The following DOCK7 variants were observed in gnomAD, a reference collection of about 807,000 sequenced individuals.
DOCK7 encodes dedicator of cytokinesis protein 7.
Under a neutral mutation model 271.0 loss-of-function variants are expected in DOCK7, and 138 were observed. The observed-to-expected ratio is 0.51, with a 90% CI of 0.44 to 0.59. The LOEUF is 0.59. Ranked by LOEUF, DOCK7 falls within the 20% of genes least tolerant of loss-of-function variation. DOCK7 has a pLI of 0.00. For missense variants in DOCK7, 2,066 were observed against 2,592.4 expected (o/e 0.80, Z 4.41); for synonymous variants, 823 against 876.1 (o/e 0.94, Z 1.07).
intron 11 of DOCK7, among the ~76,000 whole-genome samples, chr1:62,625,805 T>C (rs1653878938): frequency 1.3e-5 from 2 of 152,158 alleles, no homozygotes; most frequent in South Asian, 2.1e-4. Context: ...TGCAAGATAA[T>C]CCTATTATTT....
chr1:62,602,525 C>T (rs776693891), intron 14 of DOCK7: 1 of 694,978 alleles, frequency 1.4e-6, no homozygotes, highest in Non-Finnish European at 2.6e-6. Flanking sequence ...AACAATTACA[C>T]ATTTGTTAGT....
intron 14 of DOCK7, among the ~76,000 whole-genome samples, chr1:62,615,301 G>A (rs918594034): frequency 6.6e-6 from 1 of 151,716 alleles, no homozygotes; most frequent in Non-Finnish European, 1.5e-5. Flanking sequence ...CTACTTCACT[G>A]AGGATACTCT....
At chr1:62,627,565 C>T (rs983468371) in intron 11 of DOCK7, 8 of 151,894 alleles carry the variant, frequency 5.3e-5, no homozygotes, top group African/African-American at 1.9e-4. Flanking sequence ...GATCAATATA[C>T]AAAAGCCAAT....
At chr1:62,643,764 A>G (rs1656314704) in intron 7 of DOCK7, among the ~76,000 whole-genome samples, 1 of 152,038 alleles carries the variant, frequency 6.6e-6, no homozygotes, top group Non-Finnish European at 1.5e-5. Context: ...CTTTTTGTTG[A>G]TATCACTTTA....
chr1:62,490,060 CTTTTTTT>C (rs34084769), intron 41 of DOCK7, among the ~76,000 whole-genome samples: 1 of 126,156 alleles, frequency 7.9e-6, no homozygotes, highest in Non-Finnish European at 1.6e-5. Flanking sequence ...ATCCCTTATC[CTTTTTTT>C]TTTTTTTTTT....
intron 24 of DOCK7, 105 bp from the exon 25 acceptor site, chr1:62,542,808 A>T: frequency 9.7e-7 from 1 of 1,032,126 alleles, no homozygotes; most frequent in Admixed American, 2.3e-5. Context: ...AATAAGCAAA[A>T]TAAGGCACGT....
At chr1:62,670,251 C>G (rs1659814469) in intron 1 of DOCK7, among the ~76,000 whole-genome samples, 1 of 152,262 alleles carries the variant, frequency 6.6e-6, no homozygotes, top group South Asian at 2.1e-4. Flanking sequence ...GTCCCATCAA[C>G]CACCCAAGGG....
At chr1:62,650,212 G>T (rs1222433746) in intron 4 of DOCK7, among the ~76,000 whole-genome samples, 1 of 152,016 alleles carries the variant, frequency 6.6e-6, no homozygotes, top group Non-Finnish European at 1.5e-5. Context: ...ATTTACCTGT[G>T]TTGGTTTATT....
chr1:62,686,966 G>C (rs902883793), intron 1 of DOCK7, among the ~76,000 whole-genome samples: 4 of 151,612 alleles, frequency 2.6e-5, no homozygotes, highest in Non-Finnish European at 4.4e-5. Context: ...GAGATGGGGT[G>C]GGGGGGACTC....
chr1:62,470,934 C>T (rs1345442642), intron 48 of DOCK7, among the ~76,000 whole-genome samples: 1 of 152,076 alleles, frequency 6.6e-6, no homozygotes, highest in Non-Finnish European at 1.5e-5. Context: ...GCTACCTCCC[C>T]CACCTCCTCT....
chr1:62,569,111 C>A (rs71491205), intron 18 of DOCK7, among the ~76,000 whole-genome samples: 3 of 152,014 alleles, frequency 2.0e-5, no homozygotes, highest in Non-Finnish European at 4.4e-5. Context: ...AGCCTACCAA[C>A]CAAAAAAGCC....
intron 43 of DOCK7, chr1:62,486,266 AG>A (rs1042601685): frequency 4.6e-5 from 7 of 152,144 alleles, no homozygotes; most frequent in African/African-American, 1.4e-4. Flanking sequence ...AAGAAAAACA[AG>A]ACTTGGGTAC....
At chr1:62,574,447 G>C (rs1397956241) in intron 18 of DOCK7, among the ~76,000 whole-genome samples, 1 of 152,072 alleles carries the variant, frequency 6.6e-6, no homozygotes, top group Admixed American at 6.5e-5. Context: ...AAAAAAGTGA[G>C]GGGTATAGAT....
intron 43 of DOCK7, chr1:62,486,128 T>C (rs983312674): frequency 3.9e-5 from 6 of 152,112 alleles, no homozygotes; most frequent in Non-Finnish European, 5.9e-5. Flanking sequence ...TAGATAACCA[T>C]GGCAAGTCTC....
At chr1:62,538,155 T>C (rs1645409071) in intron 27 of DOCK7, 94 bp from the exon 28 acceptor site, 1 of 1,342,126 alleles carries the variant, frequency 7.5e-7, no homozygotes, top group African/African-American at 1.5e-5. Context: ...AAAGAGATAG[T>C]ACTTGGTATC....
At chr1:62,638,537 ATTTTCATGAATATATATATT>A (rs1337416580) in intron 7 of DOCK7, among the ~76,000 whole-genome samples, 35 of 148,572 alleles carry the variant, frequency 2.4e-4, no homozygotes, top group African/African-American at 8.3e-4. Flanking sequence ...ATGAATATAT[ATTTTCATGAATATATATATT>A]TTTTCATGAA....
At chr1:62,641,251 C>A (rs1655986388) in intron 7 of DOCK7, 3 of 413,654 alleles carry the variant, frequency 7.3e-6, no homozygotes, top group South Asian at 1.8e-5. Context: ...TCTTCTTTCT[C>A]TTCTTCTCCA....
chr1:62,555,709 C>T, intron 21 of DOCK7, 116 bp downstream of exon 21: 3 of 1,139,092 alleles, frequency 2.6e-6, no homozygotes, highest in Middle Eastern at 2.6e-4. Context: ...AGCAGGTGTT[C>T]AATAAATGTT....
chr1:62,664,784 A>T (rs1394417315), intron 1 of DOCK7, among the ~76,000 whole-genome samples: 1 of 63,532 alleles, frequency 1.6e-5, no homozygotes, highest in Non-Finnish European at 3.6e-5. Flanking sequence ...TACTAGTTTA[A>T]AAAAAAAAAA....
Sources: gnomAD v4.1 joint callset for allele counts (sites outside exome capture counted in the v4.1 genomes callset) on GRCh38, gnomAD v4.1.1 for gene constraint, MANE v1.5 for transcripts, NCBI Gene and HGNC (gene_info 2026-07-23, HGNC 2026-07-21) for gene names.